The following C3orf20 variants were observed in gnomAD, a reference collection of about 807,000 sequenced individuals.
C3orf20 encodes the protein family with sequence similarity 149 member C, also known as uncharacterized protein C3orf20.
C3orf20 carries 76 observed loss-of-function variants against 88.3 expected under a neutral mutation model. That is an observed-to-expected ratio of 0.86 (90% CI 0.72 to 1.04). The LOEUF is 1.04. C3orf20 is among the 50% of genes least tolerant of loss of function. The pLI is 0.00. For missense variants in C3orf20, 1,056 were observed against 1,123.3 expected (o/e 0.94, Z 0.86); for synonymous variants, 436 against 437.4 (o/e 1.00, Z 0.04).
intron 4 of C3orf20, among the ~76,000 whole-genome samples, chr3:14,684,641 G>GA (rs1315166931): frequency 6.6e-6 from 1 of 152,180 alleles, no homozygotes; most frequent in Admixed American, 6.5e-5. Flanking sequence ...TCATTCCCTA[G>GA]AGCCGTGCTC....
chr3:14,686,017 A>G (rs1176895499), intron 4 of C3orf20, among the ~76,000 whole-genome samples: 1 of 152,130 alleles, frequency 6.6e-6, no homozygotes, highest in African/African-American at 2.4e-5. Flanking sequence ...GTGTGCCACA[A>G]TGCTCGGCTC....
chr3:14,758,243 G>A (rs1189867482), intron 13 of C3orf20, among the ~76,000 whole-genome samples: 1 of 152,196 alleles, frequency 6.6e-6, no homozygotes, highest in Non-Finnish European at 1.5e-5. Context: ...TGGGGGTCCG[G>A]AGGGCCATCC....
rs768475751 is a variant in C3orf20 at position 14,684,239 on chromosome 3, T to G, written c.485-3T>G. On this transcript the variant is annotated splice_region_variant and splice_polypyrimidine_tract_variant and intron_variant, in intron 3 of 16. Coordinates refer to ENST00000253697, the MANE Select transcript of C3orf20 (RefSeq NM_032137.5). ...CACGTGTTGCTTTCTATCATTGCTT[T>G]AGTGGGTGCCAACCCCTTGGACATC... 214 of 1,613,770 alleles carry G rather than the reference T, an allele frequency of 1.3e-4. No homozygotes were observed. Among genetic ancestry groups the G allele is most frequent in the Non-Finnish European group, 1.8e-4 (211 of 1,179,944 alleles).
At chr3:14,722,961 A>T (rs2034219693) in intron 10 of C3orf20, among the ~76,000 whole-genome samples, 1 of 152,216 alleles carries the variant, frequency 6.6e-6, no homozygotes, top group Admixed American at 6.5e-5. Context: ...TCAGGTGGGT[A>T]GAGCAGACTA....
chr3:14,731,967 G>A (rs1368709981), intron 12 of C3orf20, among the ~76,000 whole-genome samples: 1 of 152,162 alleles, frequency 6.6e-6, no homozygotes, highest in Non-Finnish European at 1.5e-5. Flanking sequence ...CTGTGAGCAG[G>A]CTTTTATGTG....
At chr3:14,705,464 C>T (rs1362261521) in intron 7 of C3orf20, among the ~76,000 whole-genome samples, 1 of 152,156 alleles carries the variant, frequency 6.6e-6, no homozygotes, top group Non-Finnish European at 1.5e-5. Flanking sequence ...GCAATGAAGT[C>T]AGATAATGAA....
chr3:14,736,661 G>A (rs1326650377), intron 12 of C3orf20, among the ~76,000 whole-genome samples: 6 of 151,050 alleles, frequency 4.0e-5, no homozygotes, highest in African/African-American at 1.5e-4. Context: ...CCACTTCCCA[G>A]GTTCAAGTGA....
chr3:14,681,576 T>TTGACC (rs2032092950), intron 1 of C3orf20, among the ~76,000 whole-genome samples: 1 of 152,156 alleles, frequency 6.6e-6, no homozygotes, highest in Non-Finnish European at 1.5e-5. Context: ...CTCCCTGGGG[T>TTGACC]TGACCTTTGC....
intron 12 of C3orf20, among the ~76,000 whole-genome samples, chr3:14,738,495 A>AT (rs1167843679): frequency 6.6e-6 from 1 of 151,242 alleles, no homozygotes; most frequent in Non-Finnish European, 1.5e-5. Flanking sequence ...CACCTGGCTA[A>AT]TTTTTTGTAT....
At chr3:14,759,846 T>C (rs1414615137) in intron 13 of C3orf20, 45 bp from the exon 14 acceptor site, 1 of 1,516,048 alleles carries the variant, frequency 6.6e-7, no homozygotes, top group Non-Finnish European at 9.2e-7. Context: ...CAGGTACATC[T>C]TATTGGCATG....
In C3orf20 at chr3:14,715,531, G is replaced by T. The variant is rs977072094; in HGVS notation, c.1434+122G>T. 11 of 1,275,674 alleles carry T rather than the reference G, an allele frequency of 8.6e-6. No individual in the cohort carries two copies. In the African/African-American group the frequency reaches 1.6e-4, roughly 19 times the overall value. 79.0% of individuals were successfully genotyped at this position (1,275,674 alleles called of 1,614,324 possible). On this transcript the variant is annotated intron_variant, in intron 9 of 16. Transcript: ENST00000253697. ...GGGCTACCCGTAAGACAGGAAGCCT[G>T]CCCTGAAGGAGCTCATAATCTCATT...
At chr3:14,738,277 C>T (rs2034784253) in intron 12 of C3orf20, among the ~76,000 whole-genome samples, 1 of 149,826 alleles carries the variant, frequency 6.7e-6, no homozygotes, top group Non-Finnish European at 1.5e-5. Context: ...AAGCAATTCT[C>T]CTGCCTCAAC....
chr3:14,763,397 G>A (rs1404386976), intron 15 of C3orf20, among the ~76,000 whole-genome samples: 1 of 152,054 alleles, frequency 6.6e-6, no homozygotes, highest in Non-Finnish European at 1.5e-5. Context: ...TGGCAGAAAG[G>A]ACAAGGGTCT....
At chr3:14,703,445 A>G (rs1011617213) in intron 6 of C3orf20, among the ~76,000 whole-genome samples, 183 bp downstream of exon 6, 1 of 152,256 alleles carries the variant, frequency 6.6e-6, no homozygotes, top group Non-Finnish European at 1.5e-5. Context: ...TCACAGGCAC[A>G]CACACACCCG....
Position 14,759,914 on chromosome 3 carries a change from G to A in C3orf20, c.2268G>A (p.Leu756=), listed in dbSNP as rs762277441. The stretch of plus-strand genomic sequence containing the variant: ...AGTGCCGGTATGACTCCTACCGCCT[G>A]CTGCAGTATGACCTGGACAGCCCCC... ...CIQCRYDSYR[L]LQYDLDSPLQ... is the part of the protein sequence containing the mutation. Residue 756 remains leucine, a synonymous_variant, in exon 14 of 17, where the codon CTG becomes CTA. Transcript: ENST00000253697. 6.2e-7 allele frequency: 1 copy of A among 1,614,080 alleles called. No homozygotes were observed. Among genetic ancestry groups the A allele is most frequent in the Non-Finnish European group, 8.5e-7 (1 of 1,179,936 alleles).
Position 14,772,848 on chromosome 3 carries a change from T to C in C3orf20, c.2688T>C (p.Ser896=), listed in dbSNP as rs902546233. 2 of 1,614,082 alleles carry C rather than the reference T, an allele frequency of 1.2e-6. No homozygotes were observed. Among genetic ancestry groups the C allele is most frequent in the South Asian group, 1.1e-5 (1 of 91,086 alleles). The change falls in exon 17 of 17, where the codon AGT becomes AGC. Residue 896 remains serine (S), a synonymous_variant. Transcript: ENST00000253697. The surrounding 1 kb of genome is among the most constrained non-coding windows in gnomAD (Gnocchi z 4.2). ...TCAGCAGGGACAGCAAGATAACTAG[T>C]TGGAAGAAGCAGGCCTCCAAGAAGT... is the stretch of plus-strand genomic sequence containing the variant. The part of the protein sequence containing the change: ...HPLSRDSKIT[S]WKKQASKK
intron 13 of C3orf20, 52 bp from the exon 14 acceptor site, chr3:14,759,839 G>A (rs2035502631): frequency 6.8e-7 from 1 of 1,468,368 alleles, no homozygotes; most frequent in Non-Finnish European, 9.5e-7. Context: ...GGCAATCCAG[G>A]TACATCTTAT....
chr3:14,724,944 T>C (rs974810897), intron 10 of C3orf20, among the ~76,000 whole-genome samples: 3 of 152,116 alleles, frequency 2.0e-5, no homozygotes, highest in African/African-American at 7.2e-5. Flanking sequence ...CTTAAGGAAA[T>C]GTAACATAGG....
At chr3:14,676,016 A>G (rs17040121) in intron 1 of C3orf20, among the ~76,000 whole-genome samples, 2,653 of 151,778 alleles carry the variant, frequency 0.017, 64 homozygotes, top group African/African-American at 0.06. Flanking sequence ...TAATTGCCAC[A>G]TTCTCCCTAA....
Sources: gnomAD v4.1 joint callset for allele counts (sites outside exome capture counted in the v4.1 genomes callset) on GRCh38, gnomAD v4.1.1 for gene constraint, Gnocchi (gnomAD v3.1) non-coding constraint, MANE v1.5 for transcripts, NCBI Gene and HGNC (gene_info 2026-07-23, HGNC 2026-07-21) for gene names.